SFT2D1: variants seen among roughly 807,000 people sequenced by gnomAD.
The protein encoded by SFT2D1 is SFT2 domain containing 1, also known as vesicle transport protein SFT2A.
Under a neutral mutation model 28.1 loss-of-function variants are expected in SFT2D1, and 24 were observed. The ratio of observed to expected loss-of-function variants is 0.85; its 90% CI spans 0.62 to 1.20. The LOEUF is 1.20. Among genes scored for constraint, SFT2D1 ranks in the 50% most tolerant of loss-of-function variants. SFT2D1 has a pLI of 0.00. For missense variants in SFT2D1, 181 were observed against 190.9 expected, an observed-to-expected ratio of 0.95 and a Z score of 0.31; for synonymous variants, 82 against 73.7, an observed-to-expected ratio of 1.11 and a Z score of -0.58.
rs190024672 is a variant in SFT2D1 at position 166,328,087 on chromosome 6, C to A, written c.315+189G>T. On this transcript the variant is annotated intron_variant, in intron 4 of 7. Transcript: ENST00000361731. Reference sequence around the variant, plus strand: ...TGCTGGGATTACAGACGTGAGCCACCGTGCCCGGCCGGATATAATTATTAT... The same window carrying A: ...TGCTGGGATTACAGACGTGAGCCACAGTGCCCGGCCGGATATAATTATTAT... Among the ~76,000 whole-genome samples, 7 of 151,880 alleles carry A rather than the reference C, an allele frequency of 4.6e-5. No individual in the cohort carries two copies. In the East Asian group the frequency reaches 1.4e-3, roughly 29 times the overall value.
In SFT2D1 at chr6:166,320,147, G is replaced by A. The variant is rs1307329467; in HGVS notation, c.*70C>T. The A allele has an allele frequency of 6.8e-7, 1 of 1,471,218 alleles. No individual in the cohort carries two copies. Among genetic ancestry groups the A allele is most frequent in the East Asian group, 2.3e-5 (1 of 43,946 alleles). The allele number at this position is 1,471,218 out of a possible 1,614,324, so 91.1% of individuals were successfully genotyped here. ...GTCAGTTGTTCCTGGAGTGTTTTAT[G>A]GGGAAAAGCAAACTTCACCAAACAT... is the stretch of plus-strand genomic sequence containing the variant. On this transcript the variant is annotated 3_prime_UTR_variant, in exon 8 of 8. Transcript: ENST00000361731.
In SFT2D1 at chr6:166,320,157, A is replaced by C. The variant is rs1172820259; in HGVS notation, c.*60T>G. 6.5e-7 allele frequency: 1 copy of C among 1,546,774 alleles called. No individual in the cohort carries two copies. Among genetic ancestry groups the C allele is most frequent in the Non-Finnish European group, 8.9e-7 (1 of 1,123,892 alleles). On this transcript the variant is annotated 3_prime_UTR_variant, in exon 8 of 8. Coordinates refer to ENST00000361731, the MANE Select transcript of SFT2D1 (RefSeq NM_145169.3). ...CCTGGAGTGTTTTATGGGGAAAAGC[A>C]AACTTCACCAAACATAGAGTACCAA...
At chr6:166,323,789 A>G (rs1055277300) in intron 6 of SFT2D1, 1 of 152,208 alleles carries the variant, frequency 6.6e-6, no homozygotes, top group South Asian at 2.1e-4. Flanking sequence ...GAATATCTGC[A>G]TTACATTTAC....
At chr6:166,329,782 TTCC>T (rs765825178) in intron 2 of SFT2D1, among the ~76,000 whole-genome samples, 193 bp from the exon 3 acceptor site, 14 of 152,354 alleles carry the variant, frequency 9.2e-5, no homozygotes, top group Admixed American at 2.6e-4. Flanking sequence ...TTGAATCTTC[TTCC>T]TATTTGCACT....
intron 1 of SFT2D1, chr6:166,334,648 G>T (rs1320494233): frequency 4.6e-6 from 1 of 215,214 alleles, no homozygotes; most frequent in South Asian, 7.8e-5. Flanking sequence ...GGCACTGGAG[G>T]GCTGAGCTTT....
chr6:166,324,445 A>C (rs760371219), intron 6 of SFT2D1, 92 bp downstream of exon 6: 109 of 1,280,132 alleles, frequency 8.5e-5, no homozygotes, highest in Non-Finnish European at 1.1e-4. Context: ...CCAAAACACC[A>C]GACGAAATGC....
chr6:166,338,341 G>C (rs779563201), intron 1 of SFT2D1, among the ~76,000 whole-genome samples: 12 of 152,168 alleles, frequency 7.9e-5, no homozygotes, highest in Non-Finnish European at 1.6e-4. Flanking sequence ...GTTATGAACA[G>C]CTATTAGACA....
At chr6:166,335,881 G>C (rs1222099528) in intron 1 of SFT2D1, among the ~76,000 whole-genome samples, 5 of 152,220 alleles carry the variant, frequency 3.3e-5, no homozygotes, top group Admixed American at 1.3e-4. Flanking sequence ...CTGCTACAAA[G>C]AAGATATGTT....
intron 3 of SFT2D1, among the ~76,000 whole-genome samples, 180 bp from the exon 4 acceptor site, chr6:166,328,537 A>G (rs540753269): frequency 1.3e-5 from 2 of 152,342 alleles, no homozygotes; most frequent in South Asian, 2.1e-4. Context: ...TAGACATGCT[A>G]TGGTGTGAAG....
At chr6:166,326,242 G>T in intron 4 of SFT2D1, 75 bp from the exon 5 acceptor site, 1 of 1,279,116 alleles carries the variant, frequency 7.8e-7, no homozygotes, top group Non-Finnish European at 1.1e-6. Context: ...AAACTATTCT[G>T]CATTCATTTA....
chr6:166,328,037 A>G (rs929255755), intron 4 of SFT2D1, among the ~76,000 whole-genome samples: 2 of 152,042 alleles, frequency 1.3e-5, no homozygotes, highest in African/African-American at 2.4e-5. Flanking sequence ...CCATCAGGTG[A>G]TCCGCCCACC....
chr6:166,338,763 T>C (rs1247479004), intron 1 of SFT2D1, among the ~76,000 whole-genome samples: 2 of 152,054 alleles, frequency 1.3e-5, no homozygotes, highest in Admixed American at 6.5e-5. Context: ...AGGAAGTCAA[T>C]GAAGGATGTG....
At chr6:166,335,803 T>C (rs1346842873) in intron 1 of SFT2D1, among the ~76,000 whole-genome samples, 1 of 152,136 alleles carries the variant, frequency 6.6e-6, no homozygotes. Flanking sequence ...AGAGAAGCGA[T>C]AGGGAAGCTA....
At chr6:166,330,771 A>G (rs1336793300) in intron 1 of SFT2D1, among the ~76,000 whole-genome samples, 1 of 152,174 alleles carries the variant, frequency 6.6e-6, no homozygotes, top group Non-Finnish European at 1.5e-5. Flanking sequence ...CTGGCCTTCC[A>G]CACGCCACCT....
intron 1 of SFT2D1, among the ~76,000 whole-genome samples, chr6:166,339,057 G>A (rs955628729): frequency 2.6e-5 from 4 of 152,080 alleles, no homozygotes; most frequent in African/African-American, 9.7e-5. Context: ...TGCACAAGAC[G>A]TGCAACACTC....
intron 7 of SFT2D1, among the ~76,000 whole-genome samples, chr6:166,321,029 T>C (rs1281998761): frequency 6.6e-6 from 1 of 151,922 alleles, no homozygotes; most frequent in African/African-American, 2.4e-5. Context: ...GAGAAACTCT[T>C]GAACTTGGGA....
At chr6:166,326,033 A>T in intron 5 of SFT2D1, 99 bp downstream of exon 5, 1 of 1,190,004 alleles carries the variant, frequency 8.4e-7, no homozygotes, top group Admixed American at 2.1e-5. Flanking sequence ...GAGTTTTAAA[A>T]AAACAGATGA....
At chr6:166,341,243 C>T (rs191766997) in intron 1 of SFT2D1, among the ~76,000 whole-genome samples, 4 of 152,042 alleles carry the variant, frequency 2.6e-5, no homozygotes, top group South Asian at 2.1e-4. Flanking sequence ...GTCAGGAGTT[C>T]GAGACCAGCC....
intron 7 of SFT2D1, 69 bp from the exon 8 acceptor site, chr6:166,320,325 C>T: frequency 7.7e-7 from 1 of 1,305,388 alleles, no homozygotes; most frequent in East Asian, 2.4e-5. Context: ...CAAAATGTTC[C>T]TGCTAAATCA....
Sources: gnomAD v4.1 joint callset for allele counts (sites outside exome capture counted in the v4.1 genomes callset) on GRCh38, gnomAD v4.1.1 for gene constraint, MANE v1.5 for transcripts, NCBI Gene and HGNC (gene_info 2026-07-23, HGNC 2026-07-21) for gene names.